PGAM5: variants seen among roughly 807,000 people sequenced by gnomAD.
PGAM5 encodes the protein PGAM family member 5, mitochondrial serine/threonine protein phosphatase.
A neutral mutation model predicts 30.6 loss-of-function variants in PGAM5; 25 were observed. The observed-to-expected ratio is 0.82, with a 90% CI of 0.60 to 1.14. The LOEUF (loss-of-function observed/expected upper bound fraction) is 1.14, where lower values mean the gene tolerates loss of function less well. Ranked by LOEUF, PGAM5 falls within the 50% of genes most tolerant of loss-of-function variation. The pLI is 0.00. For missense variants in PGAM5, 384 were observed against 408.5 expected (o/e 0.94, Z 0.52); for synonymous variants, 201 against 179.1 (o/e 1.12, Z -0.98).
chr12:132,715,102 C>A, intron 2 of PGAM5, 66 bp downstream of exon 2: 1 of 1,397,800 alleles, frequency 7.2e-7, no homozygotes, highest in Non-Finnish European at 9.7e-7. Flanking sequence ...TATCTGCTGG[C>A]GCCTTGGTTA....
intron 5 of PGAM5, chr12:132,718,755 C>CT (rs771165193): frequency 1.9e-6 from 3 of 1,613,356 alleles, no homozygotes; most frequent in Non-Finnish European, 2.5e-6. Context: ...CTGGATCCCA[C>CT]TGGCAGCATC....
Position 132,710,946 on chromosome 12 carries a change from T to G in PGAM5, c.70T>G (p.Ser24Ala). The G allele has an allele frequency of 8.5e-7, 1 of 1,177,198 alleles. No homozygotes were observed. The highest frequency in any genetic ancestry group is 4.1e-5 in the South Asian group (1 of 24,288). 72.9% of individuals were successfully genotyped at this position (1,177,198 alleles called of 1,614,324 possible). A position where few individuals can be genotyped will look rare whatever the true frequency, so the allele number is the denominator to read the frequency against. The change falls in exon 1 of 6, where the codon TCG becomes GCG. Residue 24 changes from serine to alanine, a missense_variant. Coordinates refer to ENST00000498926, the MANE Select transcript of PGAM5 (RefSeq NM_001170543.2). ...LAGGSAAVLF[S>A]AVAVGKPRAG... is the part of the protein sequence containing the mutation. ...CGGGGGCTCGGCCGCCGTGCTCTTCTCGGCCGTGGCGGTAGGGAAGCCGCG... is the reference window on the plus strand; with the variant it reads ...CGGGGGCTCGGCCGCCGTGCTCTTCGCGGCCGTGGCGGTAGGGAAGCCGCG...
At chr12:132,718,991 C>T (rs992292427) in intron 5 of PGAM5, 3 of 1,448,606 alleles carry the variant, frequency 2.1e-6, no homozygotes, top group Non-Finnish European at 2.7e-6. Flanking sequence ...ACAGAATGAT[C>T]CGGGTTCAGG....
At chr12:132,718,615 T>C in intron 5 of PGAM5, 1 of 506,338 alleles carries the variant, frequency 2.0e-6, no homozygotes, top group Non-Finnish European at 3.3e-6. Context: ...GTGTCCTGGG[T>C]GGGGTGCGTG....
In PGAM5 at chr12:132,717,444, G is replaced by C. The variant is rs2043591581; in HGVS notation, c.376G>C (p.Glu126Gln). 1 of 1,607,086 alleles carries C rather than the reference G, an allele frequency of 6.2e-7. No homozygotes were observed. ...AGGTGCCTTTCACCTTCCAGGTCGG[G>C]AGCAGGCTGAACTCACTGGGCTCCG... Reference protein sequence around the residue: ...KDRTLTPLGREQAELTGLRLA... With the variant: ...KDRTLTPLGRQQAELTGLRLA... The change falls in exon 3 of 6, where the codon GAG (glutamate) becomes CAG (glutamine). Residue 126 changes from glutamate to glutamine, a missense_variant. By Grantham distance (29) the Glu-to-Gln change is conservative. Coordinates refer to ENST00000498926, the MANE Select transcript of PGAM5 (RefSeq NM_001170543.2).
In PGAM5 at chr12:132,711,085, T is replaced by G. The variant is rs1443586767; in HGVS notation, c.191+18T>G. On this transcript the variant is annotated intron_variant, in intron 1 of 5. Transcript: ENST00000498926. Reference sequence around the variant, plus strand: ...TGGGACAGGTGCGCGCGGGGCTGTTTGGGGCCGGGGTCGGGATGGGGGTCA... The same window carrying G: ...TGGGACAGGTGCGCGCGGGGCTGTTGGGGGCCGGGGTCGGGATGGGGGTCA... The G allele has an allele frequency of 1.5e-5, 18 of 1,202,238 alleles. No homozygotes were observed. In the East Asian group the frequency reaches 4.0e-4, roughly 27 times the overall value. 74.5% of individuals were successfully genotyped at this position (1,202,238 alleles called of 1,614,324 possible).
At position 132,717,529 on chromosome 12, in the gene PGAM5, T is replaced by G. The variant is rs541948509; in HGVS notation, c.461T>G (p.Ile154Arg). The G allele has an allele frequency of 6.2e-7, 1 of 1,610,792 alleles. No homozygotes were observed. The highest frequency in any genetic ancestry group is 1.3e-5 in the African/African-American group (1 of 74,990). ...KIVHSSMTRA[I>R]ETTDIISRHL... is the part of the protein sequence containing the mutation. ...GTCCATTCGTCTATGACGCGCGCCA[T>G]AGAGACCACCGATATCATCAGCCGG... is the stretch of plus-strand genomic sequence containing the variant. Residue 154 changes from isoleucine (I) to arginine (R), a missense_variant, in exon 3 of 6, where the codon ATA (isoleucine) becomes AGA (arginine). By Grantham distance (97) the Ile-to-Arg change is moderately conservative (BLOSUM62 -3). Transcript: ENST00000498926.
chr12:132,717,616 C>T lies in PGAM5; in HGVS notation c.496+52C>T. On this transcript the variant is annotated intron_variant, in intron 3 of 5. Coordinates refer to ENST00000498926, the MANE Select transcript of PGAM5 (RefSeq NM_001170543.2). ...GCTTGCAGCAGTGGGCGGCTCGTGG[C>T]AGGGCCCCGGCCTGAGCTCCTGGCC... The T allele has an allele frequency of 3.1e-6, 5 of 1,601,520 alleles. No individual in the cohort carries two copies. In the South Asian group the frequency reaches 4.4e-5, roughly 14 times the overall value.
chr12:132,715,165 T>C (rs2043562797), intron 2 of PGAM5, 129 bp downstream of exon 2: 6 of 978,182 alleles, frequency 6.1e-6, no homozygotes, highest in Admixed American at 2.8e-5. Context: ...TTCTTGAAAG[T>C]GCTTGGGGCA....
At chr12:132,714,815 GGGAACAGAGGTCTCAA>G in intron 1 of PGAM5, 27 bp from the exon 2 acceptor site, 1 of 1,590,746 alleles carries the variant, frequency 6.3e-7, no homozygotes, top group South Asian at 1.1e-5. Flanking sequence ...ACTCAAACTT[GGGAACAGAGGTCTCAA>G]GGACATATCT....
At chr12:132,715,632 A>G (rs2043568772) in intron 2 of PGAM5, among the ~76,000 whole-genome samples, 1 of 150,608 alleles carries the variant, frequency 6.6e-6, no homozygotes, top group South Asian at 2.1e-4. Flanking sequence ...TAATCCCAAC[A>G]CTTTGGGAGG....
intron 5 of PGAM5, 118 bp from the exon 6 acceptor site, chr12:132,720,560 C>T (rs1055472033): frequency 7.9e-5 from 82 of 1,032,590 alleles, no homozygotes; most frequent in Non-Finnish European, 1.1e-4. Flanking sequence ...ACCCGCCTGG[C>T]CTCCCAAAGT....
intron 5 of PGAM5, chr12:132,719,175 C>T: frequency 1.6e-6 from 2 of 1,220,606 alleles, no homozygotes; most frequent in South Asian, 1.7e-5. Flanking sequence ...AAATTTGCCT[C>T]TTCTCTGGAT....
At chr12:132,717,308 GA>G (rs1368462863) in intron 2 of PGAM5, 130 bp from the exon 3 acceptor site, 1 of 1,122,408 alleles carries the variant, frequency 8.9e-7, no homozygotes, top group African/African-American at 1.6e-5. Context: ...GCGGGCGGAG[GA>G]GGGGGTGTTT....
chr12:132,722,590 CTGT>C lies in PGAM5; in HGVS notation c.*1764_*1766del. The C allele has an allele frequency of 6.6e-6, 1 of 152,184 alleles. No homozygotes were observed. The highest frequency in any genetic ancestry group is 2.4e-5 in the African/African-American group (1 of 41,508). The allele number at this position is 152,184 out of a possible 1,614,324, so 9.4% of individuals were successfully genotyped here. A position where few individuals can be genotyped will look rare whatever the true frequency, so the allele number is the denominator to read the frequency against. ...AACATGTTGTGTGTACCCAGATATG[CTGT>C]TAATTTAGGAAAAACAGTACAATTT... On this transcript the variant is annotated 3_prime_UTR_variant, in exon 6 of 6. Coordinates refer to ENST00000498926, the MANE Select transcript of PGAM5 (RefSeq NM_001170543.2).
intron 2 of PGAM5, among the ~76,000 whole-genome samples, 159 bp downstream of exon 2, chr12:132,715,195 T>C (rs2043563072): frequency 6.6e-6 from 1 of 152,220 alleles, no homozygotes; most frequent in Admixed American, 6.5e-5. Context: ...CTGGGGCCCA[T>C]GTCCGAGACC....
chr12:132,720,115 G>A (rs1249606017), intron 5 of PGAM5, among the ~76,000 whole-genome samples: 2 of 152,180 alleles, frequency 1.3e-5, no homozygotes, highest in African/African-American at 4.8e-5. Flanking sequence ...CCCAGTCATC[G>A]ATTCACGTCG....
At chr12:132,715,906 A>T (rs1381361532) in intron 2 of PGAM5, among the ~76,000 whole-genome samples, 1 of 152,054 alleles carries the variant, frequency 6.6e-6, no homozygotes, top group Non-Finnish European at 1.5e-5. Flanking sequence ...AACTTTTAGC[A>T]AATGTTGGAC....
At chr12:132,719,142 C>G in intron 5 of PGAM5, 4 of 1,304,952 alleles carry the variant, frequency 3.1e-6, no homozygotes, top group Non-Finnish European at 3.9e-6. Context: ...TTGGCCAAAT[C>G]TCACTAAATG....
Sources: gnomAD v4.1 joint callset for allele counts (sites outside exome capture counted in the v4.1 genomes callset) on GRCh38, gnomAD v4.1.1 for gene constraint, MANE v1.5 for transcripts, NCBI Gene and HGNC (gene_info 2026-07-23, HGNC 2026-07-21) for gene names.